SAMD5: variants seen among roughly 807,000 people sequenced by gnomAD.
SAMD5 encodes sterile alpha motif domain-containing protein 5.
A neutral mutation model predicts 11.3 loss-of-function variants in SAMD5; 13 were observed. The ratio of observed to expected loss-of-function variants is 1.15; its 90% CI spans 0.75 to 1.83. SAMD5 has a LOEUF of 1.83. Among genes scored for constraint, SAMD5 ranks in the 40% most tolerant of loss-of-function variants. The probability of loss-of-function intolerance (pLI) is 0.00; values close to 1 mark genes in which losing one functional copy is unlikely to be tolerated. For synonymous variants in SAMD5, 129 were observed against 111.3 expected, an observed-to-expected ratio of 1.16 and a Z score of -1.00; for missense variants, 255 against 239.1, an observed-to-expected ratio of 1.07 and a Z score of -0.44.
At chr6:147,744,486 T>C in the SAMD5 span, among the ~76,000 whole-genome samples, 1 of 152,176 alleles carries the variant, frequency 6.6e-6, no homozygotes, top group African/African-American at 2.4e-5. Context: ...GAAATGATTT[T>C]TATATAGCTC....
At chr6:147,544,836 A>G (rs1407282049) in intron 1 of SAMD5, among the ~76,000 whole-genome samples, 1 of 152,250 alleles carries the variant, frequency 6.6e-6, no homozygotes, top group Non-Finnish European at 1.5e-5. Flanking sequence ...TTGGCAGTGT[A>G]AAATGCTGTT....
intron 1 of SAMD5, among the ~76,000 whole-genome samples, chr6:147,617,046 C>T (rs1427343345): frequency 6.6e-6 from 1 of 152,056 alleles, no homozygotes; most frequent in Non-Finnish European, 1.5e-5. Context: ...AAAAGTTTCT[C>T]CTTGGTAATT....
the SAMD5 span, among the ~76,000 whole-genome samples, chr6:147,840,639 G>A: frequency 1.3e-3 from 197 of 152,328 alleles, no homozygotes; most frequent in African/African-American, 4.4e-3. Flanking sequence ...TGGAAAGCAA[G>A]AATTCAAGAA....
chr6:147,663,611 C>T (rs1035310697), intron 1 of SAMD5, among the ~76,000 whole-genome samples: 2 of 137,870 alleles, frequency 1.5e-5, no homozygotes, highest in East Asian at 2.1e-4. Context: ...ATGGCGGAAA[C>T]CCTGTGTCTA....
At chr6:147,867,301 T>TA in the SAMD5 span, among the ~76,000 whole-genome samples, 2 of 97,988 alleles carry the variant, frequency 2.0e-5, no homozygotes, top group African/African-American at 7.7e-5. Flanking sequence ...TTTTTTTTTT[T>TA]ACTTAACACT....
chr6:147,910,724 A>G, the SAMD5 span, among the ~76,000 whole-genome samples: 1 of 152,198 alleles, frequency 6.6e-6, no homozygotes, highest in Non-Finnish European at 1.5e-5. Context: ...TGGCCAGTCT[A>G]TATGTTATTT....
chr6:147,720,676 A>G (rs1401538986), intron 1 of SAMD5, among the ~76,000 whole-genome samples: 1 of 151,900 alleles, frequency 6.6e-6, no homozygotes, highest in Non-Finnish European at 1.5e-5. Flanking sequence ...AAGACTTTAA[A>G]TTTCTTTTTT....
the SAMD5 span, among the ~76,000 whole-genome samples, chr6:147,745,008 AG>A: frequency 1.3e-5 from 2 of 152,316 alleles, no homozygotes; most frequent in African/African-American, 4.8e-5. Flanking sequence ...AACAATTATA[AG>A]ATGGTAGAGA....
chr6:147,715,042 G>A (rs1179795095), intron 1 of SAMD5, among the ~76,000 whole-genome samples: 1 of 152,210 alleles, frequency 6.6e-6, no homozygotes, highest in African/African-American at 2.4e-5. Context: ...TTCTTGGCAT[G>A]AGGTTACAGG....
intron 1 of SAMD5, among the ~76,000 whole-genome samples, chr6:147,545,436 T>G (rs896029029): frequency 6.6e-6 from 1 of 152,170 alleles, no homozygotes; most frequent in Non-Finnish European, 1.5e-5. Context: ...TTTTCCAAAT[T>G]TCTCATTGTG....
chr6:147,877,895 CTAGATAGA>C, the SAMD5 span, among the ~76,000 whole-genome samples: 202 of 59,640 alleles, frequency 3.4e-3, 1 homozygote, highest in East Asian at 5.2e-3. Context: ...AGATAGATAG[CTAGATAGA>C]TAGATAGCTA....
chr6:147,783,385 T>G, the SAMD5 span, among the ~76,000 whole-genome samples: 2 of 151,378 alleles, frequency 1.3e-5, no homozygotes, highest in Non-Finnish European at 2.9e-5. Context: ...ATACATTTTT[T>G]TTTTTTGCGG....
intron 1 of SAMD5, among the ~76,000 whole-genome samples, chr6:147,562,771 G>A (rs1788972915): frequency 6.6e-6 from 1 of 151,890 alleles, no homozygotes; most frequent in African/African-American, 2.4e-5. Flanking sequence ...GCAGTGAGCC[G>A]AGATCGCACC....
chr6:147,526,048 C>T (rs1788334125), intron 1 of SAMD5, among the ~76,000 whole-genome samples: 1 of 152,132 alleles, frequency 6.6e-6, no homozygotes, highest in Non-Finnish European at 1.5e-5. Flanking sequence ...CAACCACACT[C>T]TTCAAATAGC....
the SAMD5 span, among the ~76,000 whole-genome samples, chr6:147,913,916 A>G: frequency 1.4e-4 from 21 of 152,322 alleles, no homozygotes; most frequent in Non-Finnish European, 2.1e-4. Flanking sequence ...CCACTGAAAG[A>G]CACCCATGAG....
the SAMD5 span, among the ~76,000 whole-genome samples, chr6:147,909,572 CTT>C: frequency 1.9e-5 from 1 of 53,224 alleles, no homozygotes; most frequent in East Asian, 6.3e-4. Flanking sequence ...TTCTTTCTTT[CTT>C]TCTTTCTTTC....
the SAMD5 span, among the ~76,000 whole-genome samples, chr6:147,800,053 C>T: frequency 6.6e-6 from 1 of 152,184 alleles, no homozygotes; most frequent in African/African-American, 2.4e-5. Context: ...TCGTCTGAAG[C>T]CTTCTTCTCT....
intron 1 of SAMD5, among the ~76,000 whole-genome samples, chr6:147,663,497 G>A (rs1319759772): frequency 1.3e-5 from 2 of 152,014 alleles, no homozygotes; most frequent in Admixed American, 1.3e-4. Context: ...AAGAAAACAA[G>A]GGGGCCAGGT....
intron 1 of SAMD5, among the ~76,000 whole-genome samples, chr6:147,623,252 A>G (rs1465027337): frequency 6.6e-6 from 1 of 152,248 alleles, no homozygotes; most frequent in African/African-American, 2.4e-5. Context: ...GACACCCCAG[A>G]GCCTGTCTGC....
Sources: gnomAD v4.1 joint callset for allele counts (sites outside exome capture counted in the v4.1 genomes callset) on GRCh38, gnomAD v4.1.1 for gene constraint, MANE v1.5 for transcripts, NCBI Gene and HGNC (gene_info 2026-07-23, HGNC 2026-07-21) for gene names.